Variants in NOVA1 observed in about 807,000 individuals in gnomAD.
The protein encoded by NOVA1 is RNA-binding protein Nova-1.
A neutral mutation model predicts 38.0 loss-of-function variants in NOVA1; 7 were observed. That is an observed-to-expected ratio of 0.18 (90% CI 0.10 to 0.35). The LOEUF is 0.35. Among genes scored for constraint, NOVA1 ranks in the 10% least tolerant of loss-of-function variants. The pLI, the probability that NOVA1 is intolerant of heterozygous loss-of-function variation, is 1.00. For missense variants in NOVA1, 460 were observed against 616.0 expected, an observed-to-expected ratio of 0.75 and a Z score of 2.68; for synonymous variants, 270 against 232.5, an observed-to-expected ratio of 1.16 and a Z score of -1.47.
intron 2 of NOVA1, among the ~76,000 whole-genome samples, chr14:26,527,988 C>T: frequency 6.6e-6 from 1 of 152,126 alleles, no homozygotes; most frequent in East Asian, 1.9e-4. Flanking sequence ...CTCCCAGAGG[C>T]ATACACACTT....
At chr14:26,507,857 C>T (rs969964550) in intron 2 of NOVA1, among the ~76,000 whole-genome samples, 1 of 151,996 alleles carries the variant, frequency 6.6e-6, no homozygotes, top group African/African-American at 2.4e-5. Flanking sequence ...TAAATATCCA[C>T]TCCTTTCACC....
chr14:26,543,752 A>C (rs565423969), intron 2 of NOVA1, among the ~76,000 whole-genome samples: 1 of 152,082 alleles, frequency 6.6e-6, no homozygotes, highest in Non-Finnish European at 1.5e-5. Flanking sequence ...TTAAAATGAG[A>C]ATTTTCTTGT....
At position 26,578,382 on chromosome 14, in the gene NOVA1, C is replaced by T. The variant is rs574009116; in HGVS notation, c.280+17028G>A. 4.1e-3 allele frequency among the ~76,000 whole-genome samples: 618 copies of T among 151,116 alleles called. 5 individuals are homozygous for T. The highest frequency in any genetic ancestry group is 5.7e-3 in the Non-Finnish European group (386 of 67,840). On this transcript the variant is annotated intron_variant, in intron 2 of 4. Transcript: ENST00000539517. ...TTTTTTTTTTAAGTGGGAGAAAGAACAGTGTATTTGTAGGTAAAAATAATT... is the reference window on the plus strand; with the variant it reads ...TTTTTTTTTTAAGTGGGAGAAAGAATAGTGTATTTGTAGGTAAAAATAATT...
chr14:26,498,953 T>C (rs1887044263), intron 2 of NOVA1, among the ~76,000 whole-genome samples: 1 of 152,210 alleles, frequency 6.6e-6, no homozygotes, highest in African/African-American at 2.4e-5. Context: ...AGGCAAATAC[T>C]GCATATTCTT....
intron 2 of NOVA1, among the ~76,000 whole-genome samples, chr14:26,502,606 G>GA (rs35977485): frequency 2.2e-3 from 275 of 126,472 alleles, no homozygotes; most frequent in Non-Finnish European, 2.0e-3. Context: ...CATGTTTCCA[G>GA]AAAAAAAAAA....
chr14:26,549,408 A>G (rs1891034241), intron 2 of NOVA1: 1 of 151,302 alleles, frequency 6.6e-6, no homozygotes, highest in Non-Finnish European at 1.5e-5. Context: ...ACTTAAAAAT[A>G]TTTAAAAACA....
chr14:26,467,134 T>C (rs570722599), intron 4 of NOVA1, among the ~76,000 whole-genome samples: 1 of 152,136 alleles, frequency 6.6e-6, no homozygotes, highest in Non-Finnish European at 1.5e-5. Flanking sequence ...CCTGGAGCAC[T>C]TCACCATTAA....
chr14:26,543,599 G>A (rs774660367), intron 2 of NOVA1, among the ~76,000 whole-genome samples: 14 of 151,842 alleles, frequency 9.2e-5, no homozygotes, highest in South Asian at 2.1e-4. Context: ...GTAGAATACC[G>A]AAGGAAAAAA....
intron 4 of NOVA1, among the ~76,000 whole-genome samples, chr14:26,464,442 C>T (rs1320105735): frequency 2.0e-5 from 3 of 152,168 alleles, no homozygotes; most frequent in Non-Finnish European, 4.4e-5. Flanking sequence ...TAAATACACT[C>T]TATGATGTTC....
intron 2 of NOVA1, among the ~76,000 whole-genome samples, chr14:26,568,119 C>G (rs771941654): frequency 6.6e-6 from 1 of 152,130 alleles, no homozygotes; most frequent in Non-Finnish European, 1.5e-5. Flanking sequence ...TTAGGTAAAA[C>G]AGAAAATGTT....
intron 2 of NOVA1, among the ~76,000 whole-genome samples, chr14:26,591,041 T>C (rs1453781880): frequency 1.3e-5 from 2 of 151,782 alleles, no homozygotes; most frequent in African/African-American, 4.8e-5. Context: ...ATACACAAGA[T>C]ACGAATAAAA....
intron 2 of NOVA1, among the ~76,000 whole-genome samples, chr14:26,529,327 G>A (rs1450317359): frequency 3.3e-5 from 5 of 151,784 alleles, no homozygotes; most frequent in African/African-American, 9.7e-5. Context: ...TAGTAGAGAC[G>A]GGGTTTCATC....
intron 4 of NOVA1, among the ~76,000 whole-genome samples, chr14:26,451,078 A>G (rs1194490970): frequency 6.6e-6 from 1 of 152,192 alleles, no homozygotes; most frequent in African/African-American, 2.4e-5. Context: ...AAAAGTACAG[A>G]AAAGGATAAT....
chr14:26,514,982 C>T (rs1286190090), intron 2 of NOVA1, among the ~76,000 whole-genome samples: 1 of 151,660 alleles, frequency 6.6e-6, no homozygotes, highest in Non-Finnish European at 1.5e-5. Flanking sequence ...TATCTTTTTA[C>T]CTACATCTAA....
chr14:26,545,548 G>T (rs1437022757), intron 2 of NOVA1, among the ~76,000 whole-genome samples: 1 of 152,004 alleles, frequency 6.6e-6, no homozygotes, highest in East Asian at 1.9e-4. Context: ...CACAGAATTT[G>T]GATTTTATCC....
At chr14:26,512,177 T>C (rs1200987071) in intron 2 of NOVA1, among the ~76,000 whole-genome samples, 2 of 152,240 alleles carry the variant, frequency 1.3e-5, no homozygotes, top group African/African-American at 2.4e-5. Context: ...TGAAAAGCTA[T>C]ATATTTATTC....
At position 26,444,974 on chromosome 14, in the gene NOVA1, T is replaced by C. The variant is rs1299754183; in HGVS notation, c.*2985A>G. The C allele has an allele frequency of 6.6e-6, 1 of 152,156 alleles. No homozygotes were observed. The highest frequency in any genetic ancestry group is 1.5e-5 in the Non-Finnish European group (1 of 68,030). The allele number at this position is 152,156 out of a possible 1,614,324, so 9.4% of individuals were successfully genotyped here. A position where few individuals can be genotyped will look rare whatever the true frequency, so the allele number is the denominator to read the frequency against. ...TGGATCTAGAATGAGGTGTCCAATC[T>C]GTATGATAAACAGCACACTGTGTCT... On this transcript the variant is annotated 3_prime_UTR_variant, in exon 5 of 5. Coordinates refer to ENST00000539517, the MANE Select transcript of NOVA1 (RefSeq NM_002515.3).
chr14:26,553,674 A>T (rs1389334403), intron 2 of NOVA1, among the ~76,000 whole-genome samples: 1 of 152,134 alleles, frequency 6.6e-6, no homozygotes, highest in Non-Finnish European at 1.5e-5. Context: ...CCTCCAGTTG[A>T]TGGGGACTCA....
At chr14:26,549,503 C>T (rs1321877951) in intron 2 of NOVA1, 2 of 189,378 alleles carry the variant, frequency 1.1e-5, no homozygotes, top group Non-Finnish European at 2.3e-5. Context: ...GGAGTGCATC[C>T]ATCTATTTGT....
Sources: allele counts gnomAD v4.1 joint callset (sites outside exome capture counted in the v4.1 genomes callset), GRCh38; gene constraint gnomAD v4.1.1; transcripts MANE v1.5; gene names NCBI Gene and HGNC (gene_info 2026-07-23, HGNC 2026-07-21).